Variants in RGMA observed in about 807,000 individuals in gnomAD.
The protein encoded by RGMA is repulsive guidance molecule A.
RGMA carries 10 observed loss-of-function variants against 23.2 expected under a neutral mutation model. The observed-to-expected ratio is 0.43, with a 90% CI of 0.27 to 0.73. The LOEUF is 0.73. Among genes scored for constraint, RGMA ranks in the 30% least tolerant of loss-of-function variants. RGMA has a pLI of 0.20. For synonymous variants in RGMA, 308 were observed against 279.3 expected (o/e 1.10, Z -1.03); for missense variants, 547 against 630.5 (o/e 0.87, Z 1.42).
chr15:93,086,913 G>A (rs1028488729), intron 1 of RGMA, among the ~76,000 whole-genome samples: 3 of 152,138 alleles, frequency 2.0e-5, no homozygotes, highest in African/African-American at 7.2e-5. Context: ...AAAGTCAAAG[G>A]TGCCCTCCTT....
intron 2 of RGMA, 148 bp downstream of exon 2, chr15:93,072,768 G>C: frequency 1.1e-6 from 1 of 903,918 alleles, no homozygotes. Context: ...GACGGGGTGC[G>C]GGAGAAACAA....
At chr15:93,071,377 G>A (rs1291928595) in intron 2 of RGMA, among the ~76,000 whole-genome samples, 1 of 152,210 alleles carries the variant, frequency 6.6e-6, no homozygotes, top group Non-Finnish European at 1.5e-5. Flanking sequence ...TGGGGGTGAG[G>A]AGAGGGCACC....
rs2054758366 is a variant in RGMA at position 93,043,535 on chromosome 15, C to G, written c.*1463G>C. 2 of 152,518 alleles carry G rather than the reference C, an allele frequency of 1.3e-5. No individual in the cohort carries two copies. Among genetic ancestry groups the G allele is most frequent in the Non-Finnish European group, 2.9e-5 (2 of 68,060 alleles). The allele number at this position is 152,518 out of a possible 1,614,324, so 9.4% of individuals were successfully genotyped here. ...GGACGCAGTGAGGGGTCCCCACTTCCAAGCAGAACGTGAGCAAACACAACC... is the reference window on the plus strand; with the variant it reads ...GGACGCAGTGAGGGGTCCCCACTTCGAAGCAGAACGTGAGCAAACACAACC... On this transcript the variant is annotated 3_prime_UTR_variant, in exon 4 of 4. Coordinates refer to ENST00000329082, the MANE Select transcript of RGMA (RefSeq NM_020211.3).
chr15:93,071,336 A>C (rs146114213), intron 2 of RGMA, among the ~76,000 whole-genome samples: 226 of 152,322 alleles, frequency 1.5e-3, no homozygotes, highest in African/African-American at 5.1e-3. Context: ...CAGACTCTTA[A>C]GTAGGTGGAG....
intron 2 of RGMA, among the ~76,000 whole-genome samples, chr15:93,070,341 C>A (rs928952360): frequency 6.6e-6 from 1 of 152,198 alleles, no homozygotes; most frequent in East Asian, 1.9e-4. Flanking sequence ...CAGAACAAAC[C>A]GAGGCTTTCA....
At chr15:93,088,013 C>T (rs887573007) in intron 1 of RGMA, among the ~76,000 whole-genome samples, 2 of 152,142 alleles carry the variant, frequency 1.3e-5, no homozygotes, top group Non-Finnish European at 2.9e-5. Context: ...CACAGCTCAC[C>T]ACTTCCGCTA....
At chr15:93,080,496 G>A (rs1390381697) in intron 1 of RGMA, among the ~76,000 whole-genome samples, 1 of 152,178 alleles carries the variant, frequency 6.6e-6, no homozygotes, top group African/African-American at 2.4e-5. Flanking sequence ...GCAGCTCTGG[G>A]TGACTCCCAG....
At position 93,036,762 on chromosome 15, in the gene RGMA, AGGT is replaced by A. The variant is rs917823302; in HGVS notation, c.*8233_*8235del. The A allele has an allele frequency of 6.6e-6, 1 of 152,294 alleles. No individual in the cohort carries two copies. The highest frequency in any genetic ancestry group is 1.5e-5 in the Non-Finnish European group (1 of 68,104). 9.4% of individuals were successfully genotyped at this position (152,294 alleles called of 1,614,324 possible). A position where few individuals can be genotyped will look rare whatever the true frequency, so the allele number is the denominator to read the frequency against. On this transcript the variant is annotated 3_prime_UTR_variant, in exon 4 of 4. Coordinates refer to ENST00000329082, the MANE Select transcript of RGMA (RefSeq NM_020211.3). Reference sequence around the variant, plus strand: ...CGTTCTCTGCCCTCAAGCGAGGAGTAGGTGGGCGCAGTGAGCGGTGGGGTGGAC... The same window carrying A: ...CGTTCTCTGCCCTCAAGCGAGGAGTAGGGCGCAGTGAGCGGTGGGGTGGAC...
chr15:93,076,319 C>T (rs1274526280), intron 1 of RGMA, among the ~76,000 whole-genome samples: 1 of 151,696 alleles, frequency 6.6e-6, no homozygotes, highest in East Asian at 1.9e-4. Flanking sequence ...GGTCAAGGGG[C>T]TTCTGAAAGG....
At chr15:93,078,254 G>A (rs1463114270) in intron 1 of RGMA, among the ~76,000 whole-genome samples, 1 of 152,178 alleles carries the variant, frequency 6.6e-6, no homozygotes, top group African/African-American at 2.4e-5. Context: ...TGGAGGAAAC[G>A]ACCCAACACT....
chr15:93,063,067 AC>A (rs1895022078), intron 2 of RGMA: 1 of 152,184 alleles, frequency 6.6e-6, no homozygotes, highest in Non-Finnish European at 1.5e-5. Context: ...TGATCAGAAC[AC>A]TATTTTAGGA....
chr15:93,043,028 A>C lies in RGMA; in HGVS notation c.*1970T>G, dbSNP rs181806153. 2 of 152,272 alleles carry C rather than the reference A, an allele frequency of 1.3e-5. No homozygotes were observed. Among genetic ancestry groups the C allele is most frequent in the African/African-American group, 4.8e-5 (2 of 41,460 alleles). 9.4% of individuals were successfully genotyped at this position (152,272 alleles called of 1,614,324 possible). A position where few individuals can be genotyped will look rare whatever the true frequency, so the allele number is the denominator to read the frequency against. On this transcript the variant is annotated 3_prime_UTR_variant, in exon 4 of 4. Coordinates refer to ENST00000329082, the MANE Select transcript of RGMA (RefSeq NM_020211.3). ...CTGACTGTGTTCCACTGTCACTAGA[A>C]CAAGAGGATCTGGGCCTGCCAAGCT...
At chr15:93,066,119 A>T (rs1417721388) in intron 2 of RGMA, 3 of 1,388,300 alleles carry the variant, frequency 2.2e-6, no homozygotes, top group Non-Finnish European at 3.1e-6. Context: ...GGGGCATAAC[A>T]GCTGCCCTTC....
In RGMA at chr15:93,039,643, G is replaced by A. The variant is rs1339591609; in HGVS notation, c.*5355C>T. The A allele has an allele frequency of 6.6e-6, 1 of 152,118 alleles. No individual in the cohort carries two copies. Among genetic ancestry groups the A allele is most frequent in the African/African-American group, 2.4e-5 (1 of 41,380 alleles). 9.4% of individuals were successfully genotyped at this position (152,118 alleles called of 1,614,324 possible). A position where few individuals can be genotyped will look rare whatever the true frequency, so the allele number is the denominator to read the frequency against. On this transcript the variant is annotated 3_prime_UTR_variant, in exon 4 of 4. Transcript: ENST00000329082. ...TCCCACTTACGAGTGAGAACATGCG[G>A]TGTTTGGTTTTCTGTTCTTGTGTTA...
intron 2 of RGMA, among the ~76,000 whole-genome samples, 155 bp downstream of exon 2, chr15:93,072,761 G>C (rs1046603035): frequency 1.3e-5 from 2 of 152,116 alleles, no homozygotes; most frequent in Non-Finnish European, 2.9e-5. Context: ...CACCCACGAC[G>C]GGGTGCGGGA....
rs1267236384 is a variant in RGMA at position 93,036,895 on chromosome 15, G to C, written c.*8103C>G. ...AACCAGGGCAATATCTGCTTTCTAG[G>C]GTTTTTGTGAAATTTGACAAAGCAA... is the stretch of plus-strand genomic sequence containing the variant. On this transcript the variant is annotated 3_prime_UTR_variant, in exon 4 of 4. Transcript: ENST00000329082. The C allele has an allele frequency of 6.6e-6, 1 of 152,190 alleles. No homozygotes were observed. Among genetic ancestry groups the C allele is most frequent in the Non-Finnish European group, 1.5e-5 (1 of 68,062 alleles). 9.4% of individuals were successfully genotyped at this position (152,190 alleles called of 1,614,324 possible).
At chr15:93,083,748 T>C (rs1430781342) in intron 1 of RGMA, among the ~76,000 whole-genome samples, 2 of 152,150 alleles carry the variant, frequency 1.3e-5, no homozygotes, top group African/African-American at 2.4e-5. Context: ...GAGGCAAAAA[T>C]GACCTGCCCA....
chr15:93,085,015 A>G (rs1567197445), intron 1 of RGMA, among the ~76,000 whole-genome samples: 3 of 152,220 alleles, frequency 2.0e-5, no homozygotes, highest in African/African-American at 7.2e-5. Context: ...ATACCTACAA[A>G]GGATAAAAAT....
chr15:93,047,274 G>A (rs1393447299), intron 3 of RGMA, among the ~76,000 whole-genome samples: 3 of 152,150 alleles, frequency 2.0e-5, no homozygotes, highest in Non-Finnish European at 4.4e-5. Flanking sequence ...TTTCTGGGTT[G>A]GAAACAGAGA....
Sources: allele counts gnomAD v4.1 joint callset (sites outside exome capture counted in the v4.1 genomes callset), GRCh38; gene constraint gnomAD v4.1.1; transcripts MANE v1.5; gene names NCBI Gene and HGNC (gene_info 2026-07-23, HGNC 2026-07-21).